MYCBP2: variants seen among roughly 807,000 people sequenced by gnomAD.
The protein encoded by MYCBP2 is E3 ubiquitin-protein ligase MYCBP2.
MYCBP2 carries 120 observed loss-of-function variants against 525.3 expected under a neutral mutation model. The observed-to-expected ratio is 0.23, with a 90% CI of 0.20 to 0.27. The LOEUF (loss-of-function observed/expected upper bound fraction) is 0.27. Ranked by LOEUF, MYCBP2 falls within the 10% of genes least tolerant of loss-of-function variation. MYCBP2 has a pLI of 1.00. For synonymous variants in MYCBP2, 1,894 were observed against 1,955.8 expected (o/e 0.97, Z 0.83); for missense variants, 4,149 against 5,657.1 (o/e 0.73, Z 8.55).
At position 77,198,894 on chromosome 13, in the gene MYCBP2, G is replaced by C. The variant is rs565177267; in HGVS notation, c.3844-4650C>G. 5.9e-5 allele frequency among the ~76,000 whole-genome samples: 9 copies of C among 152,374 alleles called. No individual in the cohort carries two copies. In the South Asian group the frequency reaches 1.9e-3, roughly 32 times the overall value. On this transcript the variant is annotated intron_variant, in intron 26 of 82. Transcript: ENST00000544440. Reference sequence around the variant, plus strand: ...AGGCACTGGTATTGCTAGGCCACCAGAAGTTCCACAGAAAGGACTGAGATA... The same window carrying C: ...AGGCACTGGTATTGCTAGGCCACCACAAGTTCCACAGAAAGGACTGAGATA...
At chr13:77,149,039 C>T (rs1326410325) in intron 47 of MYCBP2, among the ~76,000 whole-genome samples, 1 of 151,922 alleles carries the variant, frequency 6.6e-6, no homozygotes, top group Non-Finnish European at 1.5e-5. Flanking sequence ...TCTCAATTAC[C>T]TCCTAATCAG....
Position 77,251,334 on chromosome 13 carries a change from G to T in MYCBP2, c.2198C>A (p.Ala733Glu). The T allele has an allele frequency of 6.2e-7, 1 of 1,614,008 alleles. No individual in the cohort carries two copies. Among genetic ancestry groups the T allele is most frequent in the Non-Finnish European group, 8.5e-7 (1 of 1,179,960 alleles). The change falls in exon 15 of 83, where the codon GCA becomes GAA. Residue 733 changes from alanine to glutamate, a missense_variant. Physicochemically the swap from Ala to Glu is moderately radical, Grantham distance 107 (BLOSUM62 -1). Transcript: ENST00000544440. Reference protein sequence around the residue: ...GGKGFGVENMATAMDEDLEEE... With the variant: ...GGKGFGVENMETAMDEDLEEE... ...TTCCAGGTCTTCATCCATTGCTGTT[G>T]CCATATTTTCAACTCCAAACCCTAT...
chr13:77,079,804 C>T (rs2042982870), intron 65 of MYCBP2, among the ~76,000 whole-genome samples: 1 of 152,104 alleles, frequency 6.6e-6, no homozygotes, highest in Non-Finnish European at 1.5e-5. Flanking sequence ...AGTGTCATAT[C>T]TGTGTTCAAA....
intron 1 of MYCBP2, among the ~76,000 whole-genome samples, chr13:77,311,500 G>A (rs1274786129): frequency 1.3e-5 from 2 of 150,826 alleles, no homozygotes; most frequent in Non-Finnish European, 2.9e-5. Flanking sequence ...CTACATTGAG[G>A]AAAGACAAGG....
Position 77,097,957 on chromosome 13 carries a change from G to A in MYCBP2, c.9197C>T (p.Ala3066Val). The stretch of plus-strand genomic sequence containing the variant: ...GCTATTTAAACTACTCCTTATAGGA[G>A]CATGTTCTTTGGAAAGTTCAGGATG... ...KFHPELSKEH[A>V]PIRSSLNSQQ... Residue 3066 changes from alanine to valine, a missense_variant, in exon 56 of 83, where the codon GCT becomes GTT. Physicochemically the swap from Ala to Val is moderately conservative, Grantham distance 64. This residue lies in a region of MYCBP2 where 653 missense variants were observed against 744.7 expected (regional missense o/e 0.88). Coordinates refer to ENST00000544440, the MANE Select transcript of MYCBP2 (RefSeq NM_015057.5). 2 of 1,613,512 alleles carry A rather than the reference G, an allele frequency of 1.2e-6. No individual in the cohort carries two copies. The highest frequency in any genetic ancestry group is 1.7e-6 in the Non-Finnish European group (2 of 1,179,762).
intron 52 of MYCBP2, among the ~76,000 whole-genome samples, chr13:77,131,623 C>T (rs1390980614): frequency 6.6e-6 from 1 of 151,916 alleles, no homozygotes; most frequent in Non-Finnish European, 1.5e-5. Flanking sequence ...TTTCCAAAGC[C>T]CCAATTTCTC....
intron 2 of MYCBP2, among the ~76,000 whole-genome samples, chr13:77,294,104 C>CTATATATATATATATATATATA (rs1197370334): frequency 4.1e-4 from 17 of 41,896 alleles, no homozygotes; most frequent in Admixed American, 1.3e-3. Flanking sequence ...GATATAATGG[C>CTATATATATATATATATATATA]TATATATATA....
At chr13:77,312,990 T>C (rs2080461370) in intron 1 of MYCBP2, among the ~76,000 whole-genome samples, 1 of 151,762 alleles carries the variant, frequency 6.6e-6, no homozygotes, top group Non-Finnish European at 1.5e-5. Flanking sequence ...TATAATACAA[T>C]CACCAAGACA....
chr13:77,104,716 T>C (rs1443215451), intron 55 of MYCBP2, among the ~76,000 whole-genome samples: 1 of 152,068 alleles, frequency 6.6e-6, no homozygotes, highest in Non-Finnish European at 1.5e-5. Context: ...TAAGTAAAAC[T>C]GACACCTTAG....
chr13:77,161,808 T>G (rs998201712), intron 44 of MYCBP2, 98 bp downstream of exon 44: 2 of 865,720 alleles, frequency 2.3e-6, no homozygotes, highest in Non-Finnish European at 3.7e-6. Context: ...AAGTACTTAA[T>G]GAATGAACCC....
chr13:77,079,548 C>A (rs1191937281), intron 65 of MYCBP2, among the ~76,000 whole-genome samples: 1 of 152,152 alleles, frequency 6.6e-6, no homozygotes, highest in Non-Finnish European at 1.5e-5. Flanking sequence ...GCTGATACAA[C>A]TCAAATCAAC....
At chr13:77,219,591 T>C (rs1186958832) in intron 20 of MYCBP2, among the ~76,000 whole-genome samples, 1 of 151,964 alleles carries the variant, frequency 6.6e-6, no homozygotes, top group East Asian at 1.9e-4. Context: ...CTAGGTTTCA[T>C]AGCAAGGACA....
intron 21 of MYCBP2, 142 bp downstream of exon 21, chr13:77,217,698 G>T: frequency 2.1e-6 from 1 of 466,160 alleles, no homozygotes; most frequent in Admixed American, 4.1e-5. Flanking sequence ...GTGTGTTGGG[G>T]ATGAAGGCAT....
chr13:77,141,221 A>G (rs1044624751), intron 49 of MYCBP2, among the ~76,000 whole-genome samples: 2 of 152,172 alleles, frequency 1.3e-5, no homozygotes, highest in Non-Finnish European at 2.9e-5. Context: ...ATGGAAAATA[A>G]TAAAAAAAAG....
At chr13:77,250,937 G>C (rs1366493087) in intron 15 of MYCBP2, among the ~76,000 whole-genome samples, 2 of 152,052 alleles carry the variant, frequency 1.3e-5, no homozygotes, top group African/African-American at 2.4e-5. Context: ...TCAAATGAAA[G>C]AAAGGCAACC....
chr13:77,052,965 C>A (rs1023778174), intron 80 of MYCBP2, among the ~76,000 whole-genome samples: 5 of 151,894 alleles, frequency 3.3e-5, no homozygotes, highest in Admixed American at 2.0e-4. Context: ...CCATCTCTAT[C>A]AAAAATACAA....
chr13:77,088,634 C>T (rs1230271633), intron 61 of MYCBP2, among the ~76,000 whole-genome samples, 198 bp downstream of exon 61: 1 of 152,028 alleles, frequency 6.6e-6, no homozygotes, highest in African/African-American at 2.4e-5. Flanking sequence ...CTTTAGGGTG[C>T]TTAAATATGA....
chr13:77,087,419 C>T lies in MYCBP2; in HGVS notation c.10875+65G>A, dbSNP rs184471389. On this transcript the variant is annotated intron_variant, in intron 62 of 82. Transcript: ENST00000544440. ...GAATGATTTCATGCAAATTATTGGA[C>T]TATTTGAAGGTATACTACCAGTTTC... The T allele has an allele frequency of 7.8e-5, 101 of 1,301,234 alleles. No homozygotes were observed. The African/African-American group carries it at 1.4e-3, about 18-fold the overall frequency. The allele number at this position is 1,301,234 out of a possible 1,614,324, so 80.6% of individuals were successfully genotyped here.
rs139114452 is a variant in MYCBP2 at position 77,162,257 on chromosome 13, G to A, written c.6548-302C>T. Among the ~76,000 whole-genome samples the A allele has an allele frequency of 1.0e-3, 157 of 152,148 alleles. 1 individual carries two copies. Among genetic ancestry groups the A allele is most frequent in the Middle Eastern group, 3.4e-3 (1 of 294 alleles). Reference sequence around the variant, plus strand: ...TTTCTGAACTTAGTGTATTCGTTTTGTCTAAAAAAAGAGGGAACAAATTAT... The same window carrying A: ...TTTCTGAACTTAGTGTATTCGTTTTATCTAAAAAAAGAGGGAACAAATTAT... On this transcript the variant is annotated intron_variant, in intron 43 of 82. Coordinates refer to ENST00000544440, the MANE Select transcript of MYCBP2 (RefSeq NM_015057.5).
Sources: gnomAD v4.1 joint callset for allele counts (sites outside exome capture counted in the v4.1 genomes callset) on GRCh38, gnomAD v4.1.1 for gene constraint, gnomAD v4.1.1 regional missense constraint, MANE v1.5 for transcripts, NCBI Gene and HGNC (gene_info 2026-07-23, HGNC 2026-07-21) for gene names.